The following GLYATL2 variants were observed in gnomAD, a reference collection of about 807,000 sequenced individuals.
The protein encoded by GLYATL2 is glycine-N-acyltransferase like 2.
Under a neutral mutation model 21.4 loss-of-function variants are expected in GLYATL2, and 25 were observed. That is an observed-to-expected ratio of 1.17 (90% CI 0.85 to 1.63). GLYATL2 has a LOEUF of 1.63. Among genes scored for constraint, GLYATL2 ranks in the 40% most tolerant of loss-of-function variants. The pLI is 0.00. For missense variants in GLYATL2, 361 were observed against 343.3 expected (o/e 1.05, Z -0.41); for synonymous variants, 114 against 118.2 (o/e 0.96, Z 0.23).
intron 1 of GLYATL2, among the ~76,000 whole-genome samples, chr11:58,872,271 A>G (rs932021073): frequency 2.0e-5 from 3 of 152,166 alleles, no homozygotes; most frequent in Non-Finnish European, 4.4e-5. Context: ...TTTGCTGTGC[A>G]GAAGCTCTTT....
upstream of GLYATL2, among the ~76,000 whole-genome samples, chr11:58,906,565 G>A (rs1366793466): frequency 1.3e-5 from 2 of 152,178 alleles, no homozygotes; most frequent in Non-Finnish European, 2.9e-5. Context: ...GGCTTTCCAG[G>A]AAGACCTGAA....
upstream of GLYATL2, among the ~76,000 whole-genome samples, chr11:58,845,356 C>A (rs189754477): frequency 2.2e-3 from 336 of 152,234 alleles, 3 homozygotes; most frequent in Non-Finnish European, 1.7e-3. Flanking sequence ...ATACCAACTA[C>A]TTGGGAAGCT....
upstream of GLYATL2, chr11:58,907,814 C>A (rs1854941856): frequency 5.6e-6 from 1 of 179,766 alleles, no homozygotes; most frequent in Admixed American, 5.5e-5. Context: ...ACTTTCAAAG[C>A]TTGCATTTAT....
At chr11:58,842,504 G>A (rs1185406079) in intron 1 of GLYATL2, among the ~76,000 whole-genome samples, 1 of 151,486 alleles carries the variant, frequency 6.6e-6, no homozygotes, top group Non-Finnish European at 1.5e-5. Flanking sequence ...GTGTGTGTGT[G>A]TGTGTGTGTG....
At chr11:58,857,523 C>T (rs1853850936) in intron 1 of GLYATL2, among the ~76,000 whole-genome samples, 1 of 152,156 alleles carries the variant, frequency 6.6e-6, no homozygotes, top group Non-Finnish European at 1.5e-5. Flanking sequence ...CTGCCCCATG[C>T]TTGCAGAGCC....
chr11:58,894,175 T>C (rs1440112990), intron 1 of GLYATL2, among the ~76,000 whole-genome samples: 1 of 152,138 alleles, frequency 6.6e-6, no homozygotes, highest in Non-Finnish European at 1.5e-5. Flanking sequence ...GTTCAGCGCT[T>C]GGTGTTTGCA....
At position 58,837,222 on chromosome 11, in the gene GLYATL2, C is replaced by T. The variant is rs371063171; in HGVS notation, c.314-45G>A. ...AAGTACCACTTTATGCCTTCCATAT[C>T]GGCTAGGAATAAACCATGGATCTTT... On this transcript the variant is annotated intron_variant, in intron 4 of 5. Transcript: ENST00000287275. 1.7e-5 allele frequency: 27 copies of T among 1,612,384 alleles called. 1 individual carries two copies. Among genetic ancestry groups the T allele is most frequent in the South Asian group, 5.5e-5 (5 of 90,744 alleles).
At chr11:58,835,157 G>T (rs1169664763) in intron 5 of GLYATL2, among the ~76,000 whole-genome samples, 1 of 152,080 alleles carries the variant, frequency 6.6e-6, no homozygotes, top group Non-Finnish European at 1.5e-5. Flanking sequence ...GGCCAGAGAA[G>T]CCCTCCACAT....
At chr11:58,872,090 A>G (rs1207432993) in intron 1 of GLYATL2, among the ~76,000 whole-genome samples, 1 of 152,152 alleles carries the variant, frequency 6.6e-6, no homozygotes, top group Non-Finnish European at 1.5e-5. Context: ...TCTTTTGAGA[A>G]TTGTCTGTTC....
intron 1 of GLYATL2, among the ~76,000 whole-genome samples, chr11:58,890,511 T>C (rs1406277240): frequency 1.3e-5 from 2 of 152,128 alleles, no homozygotes; most frequent in Non-Finnish European, 2.9e-5. Flanking sequence ...AATAAAATAT[T>C]GTTCTTTGTA....
At chr11:58,870,001 C>G (rs1033466683) in intron 1 of GLYATL2, among the ~76,000 whole-genome samples, 1 of 151,910 alleles carries the variant, frequency 6.6e-6, no homozygotes, top group African/African-American at 2.4e-5. Flanking sequence ...CCAGCTAATC[C>G]GGAGACTGAG....
At chr11:58,907,337 C>T, upstream of GLYATL2, 1 of 456,320 alleles carries the variant, frequency 2.2e-6, no homozygotes, top group Non-Finnish European at 4.4e-6. Context: ...TGTCTTGCTG[C>T]CCTTCCTTGC....
intron 1 of GLYATL2, among the ~76,000 whole-genome samples, chr11:58,864,975 C>T (rs533783197): frequency 1.0e-4 from 15 of 148,854 alleles, no homozygotes; most frequent in African/African-American, 3.6e-4. Context: ...TATATACACA[C>T]AATAATAACA....
chr11:58,838,438 A>T, intron 2 of GLYATL2, 70 bp from the exon 3 acceptor site: 1 of 986,596 alleles, frequency 1.0e-6, no homozygotes, highest in Non-Finnish European at 1.6e-6. Context: ...TATGTGGAGA[A>T]ATAAGACATG....
At chr11:58,907,334 CT>C (rs1216980505), upstream of GLYATL2, 16 of 456,198 alleles carry the variant, frequency 3.5e-5, no homozygotes, top group Non-Finnish European at 6.6e-5. Context: ...CTTTGTCTTG[CT>C]GCCCTTCCTT....
At chr11:58,855,378 A>G (rs1456485723) in intron 1 of GLYATL2, among the ~76,000 whole-genome samples, 1 of 152,212 alleles carries the variant, frequency 6.6e-6, no homozygotes, top group African/African-American at 2.4e-5. Context: ...ATGAGCAGTA[A>G]TATTTTTATA....
At chr11:58,843,633 A>G (rs921299433) in intron 1 of GLYATL2, among the ~76,000 whole-genome samples, 2 of 152,200 alleles carry the variant, frequency 1.3e-5, no homozygotes, top group African/African-American at 2.4e-5. Flanking sequence ...AAAGTAAAGT[A>G]GGTTGGAGAC....
chr11:58,835,929 G>A (rs189267755), intron 5 of GLYATL2, among the ~76,000 whole-genome samples: 3 of 152,242 alleles, frequency 2.0e-5, no homozygotes, highest in Admixed American at 1.3e-4. Flanking sequence ...GGGCAAAGCA[G>A]GATTTGAAGA....
chr11:58,877,015 C>T (rs889737500), intron 1 of GLYATL2, among the ~76,000 whole-genome samples: 7 of 152,242 alleles, frequency 4.6e-5, no homozygotes, highest in Non-Finnish European at 7.3e-5. Flanking sequence ...AGCCTTGCTG[C>T]TGCCTTGCAG....
Sources: allele counts gnomAD v4.1 joint callset (sites outside exome capture counted in the v4.1 genomes callset), GRCh38; gene constraint gnomAD v4.1.1; transcripts MANE v1.5; gene names NCBI Gene and HGNC (gene_info 2026-07-23, HGNC 2026-07-21).